The following VSNL1 variants were observed in gnomAD, a reference collection of about 807,000 sequenced individuals.
VSNL1 encodes the protein visinin-like protein 1.
VSNL1 carries 6 observed loss-of-function variants against 20.4 expected under a neutral mutation model. The ratio of observed to expected loss-of-function variants is 0.29; its 90% CI spans 0.16 to 0.58. The LOEUF (loss-of-function observed/expected upper bound fraction) is 0.58, where lower values mean the gene tolerates loss of function less well. Ranked by LOEUF, VSNL1 falls within the 20% of genes least tolerant of loss-of-function variation. VSNL1 has a pLI of 0.90. For missense variants in VSNL1, 100 were observed against 234.5 expected, an observed-to-expected ratio of 0.43 and a Z score of 3.75; for synonymous variants, 93 against 86.4, an observed-to-expected ratio of 1.08 and a Z score of -0.42.
At chr2:17,565,813 G>C (rs1006339096) in intron 1 of VSNL1, among the ~76,000 whole-genome samples, 1 of 152,148 alleles carries the variant, frequency 6.6e-6, no homozygotes, top group Non-Finnish European at 1.5e-5. Flanking sequence ...TAATTCCCAC[G>C]TCATGGGAGG....
At chr2:17,545,803 G>T (rs1201772812) in intron 1 of VSNL1, among the ~76,000 whole-genome samples, 1 of 152,030 alleles carries the variant, frequency 6.6e-6, no homozygotes, top group Admixed American at 6.5e-5. Context: ...TAATCATAAG[G>T]TGCCTGTGAA....
At chr2:17,565,730 A>G (rs906268045) in intron 1 of VSNL1, among the ~76,000 whole-genome samples, 24 of 152,230 alleles carry the variant, frequency 1.6e-4, no homozygotes, top group African/African-American at 5.8e-4. Flanking sequence ...TTATTCATTT[A>G]TTATAACTAC....
intron 1 of VSNL1, among the ~76,000 whole-genome samples, chr2:17,544,045 T>G (rs1004055975): frequency 1.3e-5 from 2 of 152,054 alleles, no homozygotes; most frequent in Admixed American, 6.6e-5. Context: ...GATTCTTACA[T>G]GAAAAAAGCT....
rs1665705784 is a variant in VSNL1, at chr2:17,634,374, A to G, written c.163-15036A>G. ...GCAAATTATGTAAGAGGTCCTGGCAAGACTTGAGGCAAAGTTTGTTATGCA... is the reference window on the plus strand; with the variant it reads ...GCAAATTATGTAAGAGGTCCTGGCAGGACTTGAGGCAAAGTTTGTTATGCA... On this transcript the variant is annotated intron_variant, in intron 2 of 3. Coordinates refer to ENST00000295156, the MANE Select transcript of VSNL1 (RefSeq NM_003385.5). This position sits in a 1 kb window ranked among gnomAD's most constrained non-coding sequence, Gnocchi z 4.3. 6.6e-6 allele frequency among the ~76,000 whole-genome samples: 1 copy of G among 152,208 alleles called. No individual in the cohort carries two copies. Among genetic ancestry groups the G allele is most frequent in the African/African-American group, 2.4e-5 (1 of 41,440 alleles).
chr2:17,571,272 G>A (rs1324318265), intron 1 of VSNL1, among the ~76,000 whole-genome samples: 1 of 152,140 alleles, frequency 6.6e-6, no homozygotes, highest in Non-Finnish European at 1.5e-5. Flanking sequence ...TATCTAGCCG[G>A]AACCTAACAC....
chr2:17,631,361 A>C (rs73222518), intron 2 of VSNL1, among the ~76,000 whole-genome samples: 1 of 152,164 alleles, frequency 6.6e-6, no homozygotes, highest in Non-Finnish European at 1.5e-5. Flanking sequence ...CTTGTATATG[A>C]TTTTTCCAAA....
intron 1 of VSNL1, among the ~76,000 whole-genome samples, chr2:17,562,739 G>A (rs1663848577): frequency 6.6e-6 from 1 of 152,176 alleles, no homozygotes; most frequent in Non-Finnish European, 1.5e-5. Flanking sequence ...CAGATCTCTA[G>A]GGATTTATTG....
chr2:17,580,513 T>C (rs1170719347), intron 1 of VSNL1, among the ~76,000 whole-genome samples: 1 of 152,226 alleles, frequency 6.6e-6, no homozygotes, highest in Non-Finnish European at 1.5e-5. Context: ...CACCTTTCCC[T>C]AAAGCATCAG....
chr2:17,571,479 C>T (rs906766384), intron 1 of VSNL1, among the ~76,000 whole-genome samples: 1 of 152,226 alleles, frequency 6.6e-6, no homozygotes, highest in African/African-American at 2.4e-5. Context: ...GAGACAACCT[C>T]TTTGTATTAA....
intron 1 of VSNL1, chr2:17,545,917 C>T (rs539298293): frequency 6.6e-6 from 1 of 152,176 alleles, no homozygotes; most frequent in Non-Finnish European, 1.5e-5. Flanking sequence ...CACCTCTTTA[C>T]TTAATTTACT....
At chr2:17,637,363 G>A (rs748746139) in intron 2 of VSNL1, among the ~76,000 whole-genome samples, 2 of 152,034 alleles carry the variant, frequency 1.3e-5, no homozygotes, top group Non-Finnish European at 2.9e-5. Flanking sequence ...GGCTGCAGCC[G>A]GCAGAGTCTC....
At chr2:17,553,122 T>C (rs1457288751) in intron 1 of VSNL1, among the ~76,000 whole-genome samples, 1 of 152,154 alleles carries the variant, frequency 6.6e-6, no homozygotes, top group Non-Finnish European at 1.5e-5. Context: ...AATGGAATAG[T>C]AGGCCAAAAA....
At chr2:17,637,381 C>T (rs565695245) in intron 2 of VSNL1, among the ~76,000 whole-genome samples, 2 of 152,356 alleles carry the variant, frequency 1.3e-5, no homozygotes, top group South Asian at 4.1e-4. Context: ...CTCCTCAGCC[C>T]CAGCTGGGCC....
intron 2 of VSNL1, among the ~76,000 whole-genome samples, chr2:17,610,103 A>G (rs1014495381): frequency 1.3e-5 from 2 of 152,232 alleles, no homozygotes; most frequent in Non-Finnish European, 2.9e-5. Flanking sequence ...TAAGGGACAA[A>G]CACCTAGCGT....
chr2:17,626,296 C>T (rs560337833), intron 2 of VSNL1, among the ~76,000 whole-genome samples: 11 of 152,320 alleles, frequency 7.2e-5, no homozygotes, highest in Non-Finnish European at 1.5e-4. Context: ...TCACAGGCCA[C>T]GTTCCCCTGA....
chr2:17,624,855 G>A (rs144451500), intron 2 of VSNL1, among the ~76,000 whole-genome samples: 13 of 152,358 alleles, frequency 8.5e-5, no homozygotes, highest in African/African-American at 3.1e-4. Context: ...ATGTGTTACA[G>A]CAGCAACAGG....
intron 1 of VSNL1, among the ~76,000 whole-genome samples, chr2:17,577,256 T>G (rs1664236909): frequency 6.6e-6 from 1 of 152,232 alleles, no homozygotes; most frequent in African/African-American, 2.4e-5. Context: ...TATTAACCTT[T>G]TGTCTATATT....
chr2:17,571,562 A>G (rs1664085448), intron 1 of VSNL1, among the ~76,000 whole-genome samples: 1 of 152,216 alleles, frequency 6.6e-6, no homozygotes, highest in South Asian at 2.1e-4. Context: ...TTTAAAAATG[A>G]TCAAAAATTA....
intron 1 of VSNL1, among the ~76,000 whole-genome samples, chr2:17,550,872 C>A (rs1296038776): frequency 1.3e-5 from 2 of 152,194 alleles, no homozygotes; most frequent in Non-Finnish European, 2.9e-5. Context: ...CAAAAAGTTG[C>A]TTCTCAGTCC....
Sources: allele counts gnomAD v4.1 joint callset (sites outside exome capture counted in the v4.1 genomes callset), GRCh38; gene constraint gnomAD v4.1.1; non-coding constraint Gnocchi (gnomAD v3.1); transcripts MANE v1.5; gene names NCBI Gene and HGNC (gene_info 2026-07-23, HGNC 2026-07-21).